The following NDUFAF7 variants were observed in gnomAD, a reference collection of about 807,000 sequenced individuals.
NDUFAF7 encodes protein arginine methyltransferase NDUFAF7, mitochondrial.
A neutral mutation model predicts 47.2 loss-of-function variants in NDUFAF7; 48 were observed. The ratio of observed to expected loss-of-function variants is 1.02; its 90% CI spans 0.81 to 1.29. NDUFAF7 has a LOEUF of 1.29. NDUFAF7 is among the 50% of genes most tolerant of loss of function. NDUFAF7 has a pLI of 0.00. For synonymous variants in NDUFAF7, 217 were observed against 190.0 expected (o/e 1.14, Z -1.17); for missense variants, 635 against 537.6 (o/e 1.18, Z -1.79).
At chr2:37,245,811 C>T (rs545506277) in intron 7 of NDUFAF7, among the ~76,000 whole-genome samples, 1 of 152,124 alleles carries the variant, frequency 6.6e-6, no homozygotes, top group South Asian at 2.1e-4. Flanking sequence ...AGGGCATTTG[C>T]CTTTTTATAA....
chr2:37,238,190 G>A (rs934077182), intron 4 of NDUFAF7, among the ~76,000 whole-genome samples: 10 of 152,122 alleles, frequency 6.6e-5, no homozygotes, highest in Non-Finnish European at 1.5e-4. Flanking sequence ...CTAGCACTTT[G>A]AGAGGCCAAG....
At chr2:37,237,560 T>C (rs1258257266) in intron 3 of NDUFAF7, among the ~76,000 whole-genome samples, 197 bp from the exon 4 acceptor site, 2 of 152,242 alleles carry the variant, frequency 1.3e-5, no homozygotes, top group Non-Finnish European at 2.9e-5. Context: ...CTATTAATCT[T>C]CCTAAATGGT....
the NDUFAF7 span, chr2:37,267,768 T>A: frequency 1.4e-5 from 6 of 435,086 alleles, no homozygotes; most frequent in African/African-American, 1.0e-4. Flanking sequence ...AGGAGAAAAT[T>A]TGAATGAACT....
chr2:37,245,166 TTAAG>T (rs1666772354), intron 7 of NDUFAF7, among the ~76,000 whole-genome samples: 1 of 152,204 alleles, frequency 6.6e-6, no homozygotes, highest in South Asian at 2.1e-4. Flanking sequence ...CTCAGAAAGT[TTAAG>T]TAACTTGTCT....
At chr2:37,231,807 G>A in intron 1 of NDUFAF7, 47 bp downstream of exon 1, 1 of 1,612,424 alleles carries the variant, frequency 6.2e-7, no homozygotes, top group Non-Finnish European at 8.5e-7. Context: ...AAGCCGCGTG[G>A]GGCGCCTTCC....
Position 37,246,103 on chromosome 2 carries a change from A to G in NDUFAF7, c.844A>G (p.Ile282Val). ...AGTGTGTCCTGATGCTGGTGTTATC[A>G]TCGAGGAACTTTCTCAACGCATTGC... is the stretch of plus-strand genomic sequence containing the variant. Reference protein sequence around the residue: ...VEVCPDAGVIIEELSQRIALT... With the variant: ...VEVCPDAGVIVEELSQRIALT... The change falls in exon 8 of 10, where the codon ATC (isoleucine) becomes GTC (valine). Residue 282 changes from isoleucine to valine, a missense_variant. Ile to Val is a conservative substitution (Grantham distance 29). Transcript: ENST00000002125. 6.2e-7 allele frequency: 1 copy of G among 1,613,942 alleles called. No individual in the cohort carries two copies. The highest frequency in any genetic ancestry group is 8.5e-7 in the Non-Finnish European group (1 of 1,179,870).
intron 4 of NDUFAF7, 30 bp from the exon 5 acceptor site, chr2:37,241,545 CATT>C: frequency 6.6e-7 from 1 of 1,524,544 alleles, no homozygotes; most frequent in Non-Finnish European, 9.0e-7. Flanking sequence ...CTACTTAACA[CATT>C]GTATTTTTTT....
At chr2:37,262,712 C>T in the NDUFAF7 span, among the ~76,000 whole-genome samples, 1 of 152,140 alleles carries the variant, frequency 6.6e-6, no homozygotes, top group Admixed American at 6.5e-5. Flanking sequence ...AACACGTGGA[C>T]ACACAAAAAT....
downstream of NDUFAF7, chr2:37,256,767 G>C (rs1212598151): frequency 1.2e-6 from 2 of 1,612,930 alleles, no homozygotes; most frequent in South Asian, 1.1e-5. Flanking sequence ...GTGCCACTGA[G>C]GCTCACATAG....
At chr2:37,267,796 C>T in the NDUFAF7 span, 12 of 383,580 alleles carry the variant, frequency 3.1e-5, no homozygotes, top group Non-Finnish European at 5.2e-5. Flanking sequence ...GAAAAGTAAT[C>T]TACCTTGTTA....
At chr2:37,255,454 A>G (rs1219273539), downstream of NDUFAF7, among the ~76,000 whole-genome samples, 1 of 152,180 alleles carries the variant, frequency 6.6e-6, no homozygotes, top group East Asian at 1.9e-4. Context: ...TCAGCAGACT[A>G]AAGAGGGCCA....
chr2:37,243,983 T>C lies in NDUFAF7; in HGVS notation c.792+10T>C. On this transcript the variant is annotated intron_variant, in intron 7 of 9. Coordinates refer to ENST00000002125, the MANE Select transcript of NDUFAF7 (RefSeq NM_144736.5). ...AGAAGCCTTCATACAAGTAAGAATA[T>C]GCTTTTTTAAGTTTCTTTTATTGCT... The C allele has an allele frequency of 1.3e-6, 2 of 1,589,190 alleles. No individual in the cohort carries two copies. The highest frequency in any genetic ancestry group is 1.7e-6 in the Non-Finnish European group (2 of 1,158,550).
rs1320598567 is a variant in NDUFAF7 at position 37,231,957 on chromosome 2, G to T, written c.56-149G>T. 5 of 1,593,962 alleles carry T rather than the reference G, an allele frequency of 3.1e-6. No individual in the cohort carries two copies. In the Admixed American group the frequency reaches 5.1e-5, roughly 16 times the overall value. On this transcript the variant is annotated intron_variant, in intron 1 of 9. Transcript: ENST00000002125. ...GTGGGCAAGTGGGTGCTGTCTCTGC[G>T]CCCCGTGGGCGTGCTAAGCACAGTA... is the stretch of plus-strand genomic sequence containing the variant.
At chr2:37,261,075 T>C in the NDUFAF7 span, among the ~76,000 whole-genome samples, 3 of 152,254 alleles carry the variant, frequency 2.0e-5, no homozygotes, top group African/African-American at 4.8e-5. Flanking sequence ...TGGACATAAA[T>C]CTAAATTCCT....
downstream of NDUFAF7, chr2:37,254,091 C>T: frequency 1.3e-6 from 1 of 763,706 alleles, no homozygotes; most frequent in Non-Finnish European, 2.2e-6. Context: ...AAATTAATCA[C>T]TTAAGAGCAC....
chr2:37,255,178 C>CATA (rs1385391515), downstream of NDUFAF7, among the ~76,000 whole-genome samples: 5 of 152,336 alleles, frequency 3.3e-5, no homozygotes, highest in East Asian at 9.6e-4. Flanking sequence ...CAAAAAACAT[C>CATA]TCTTATGAGC....
intron 4 of NDUFAF7, among the ~76,000 whole-genome samples, chr2:37,238,245 C>T (rs764812111): frequency 2.0e-5 from 3 of 151,836 alleles, no homozygotes; most frequent in Admixed American, 6.6e-5. Context: ...GCCTGACCAA[C>T]ATAGTGAAAC....
At chr2:37,247,704 C>G (rs1245113462) in intron 9 of NDUFAF7, 75 bp downstream of exon 9, 2 of 1,534,410 alleles carry the variant, frequency 1.3e-6, no homozygotes, top group East Asian at 4.6e-5. Flanking sequence ...AGTATGTTCA[C>G]CTGGCCTTAA....
chr2:37,232,561 G>C (rs1224668546), intron 2 of NDUFAF7, among the ~76,000 whole-genome samples: 4 of 152,192 alleles, frequency 2.6e-5, no homozygotes, highest in African/African-American at 9.7e-5. Context: ...GATGGTGGGT[G>C]GTGTGGATTC....
Sources: allele counts gnomAD v4.1 joint callset (sites outside exome capture counted in the v4.1 genomes callset), GRCh38; gene constraint gnomAD v4.1.1; transcripts MANE v1.5; gene names NCBI Gene and HGNC (gene_info 2026-07-23, HGNC 2026-07-21).